The following FBXO42 variants were observed in gnomAD, a reference collection of about 807,000 sequenced individuals.
FBXO42 encodes the protein F-box only protein 42.
A neutral mutation model predicts 71.7 loss-of-function variants in FBXO42; 12 were observed. That is an observed-to-expected ratio of 0.17 (90% CI 0.11 to 0.27). The LOEUF is 0.27. FBXO42 is among the 10% of genes least tolerant of loss of function. FBXO42 has a pLI of 1.00. For synonymous variants in FBXO42, 325 were observed against 327.5 expected (o/e 0.99, Z 0.08); for missense variants, 707 against 911.9 (o/e 0.78, Z 2.89).
intron 1 of FBXO42, among the ~76,000 whole-genome samples, chr1:16,328,589 A>C (rs2082470258): frequency 6.6e-6 from 1 of 152,198 alleles, no homozygotes; most frequent in East Asian, 1.9e-4. Context: ...AGATGGTTAC[A>C]TATAAATATT....
Position 16,259,388 on chromosome 1 carries a change from T to C in FBXO42, c.503-2629A>G, listed in dbSNP as rs187095937. ...AAACACATCACAGACTTCAGCAAAA[T>C]AGTAATGTAAACTCTCTAGACTAGA... On this transcript the variant is annotated intron_variant, in intron 4 of 9. Transcript: ENST00000375592. Among the ~76,000 whole-genome samples, 46 of 152,194 alleles carry C rather than the reference T, an allele frequency of 3.0e-4. 2 individuals carry two copies. The South Asian group carries it at 7.7e-3, about 25-fold the overall frequency.
intron 1 of FBXO42, among the ~76,000 whole-genome samples, chr1:16,331,141 T>C (rs34753342): frequency 0.68 from 103,312 of 151,416 alleles, 36,274 homozygotes; most frequent in East Asian, 0.86. Context: ...AGGCTGGGCA[T>C]GGTGGCTCAC....
intron 1 of FBXO42, among the ~76,000 whole-genome samples, chr1:16,351,774 GC>G (rs1475177356): frequency 1.3e-5 from 2 of 152,176 alleles, no homozygotes; most frequent in Non-Finnish European, 2.9e-5. Flanking sequence ...GATAGGAAAG[GC>G]CTTTTGTGTT....
At position 16,270,674 on chromosome 1, in the gene FBXO42, CAAA is replaced by C. The variant is rs34861558; in HGVS notation, c.503-13918_503-13916del. Among the ~76,000 whole-genome samples the C allele has an allele frequency of 2.1e-3, 32 of 14,900 alleles. 1 individual carries two copies. The highest frequency in any genetic ancestry group is 5.2e-3 in the African/African-American group (24 of 4,618). The allele number at this position is 14,900 out of a possible 152,430, so 9.8% of individuals were successfully genotyped here. On this transcript the variant is annotated intron_variant, in intron 4 of 9. Coordinates refer to ENST00000375592, the MANE Select transcript of FBXO42 (RefSeq NM_018994.3). ...AGCAATACAGAGAGACTCTGTCTCT[CAAA>C]AAAAAAAAAAAAAAAAAAAGAAAAG... is the stretch of plus-strand genomic sequence containing the variant.
chr1:16,335,750 C>T (rs1216818217), intron 1 of FBXO42, among the ~76,000 whole-genome samples: 1 of 151,274 alleles, frequency 6.6e-6, no homozygotes, highest in Non-Finnish European at 1.5e-5. Context: ...ACCTGTAATC[C>T]CAGCTACTAA....
chr1:16,313,324 CAA>C (rs1218170929), intron 2 of FBXO42, among the ~76,000 whole-genome samples: 1 of 137,714 alleles, frequency 7.3e-6, no homozygotes, highest in South Asian at 2.5e-4. Context: ...GAAAAGAAAA[CAA>C]AGAAAGAAAG....
chr1:16,275,988 A>C (rs2081898104), intron 4 of FBXO42, among the ~76,000 whole-genome samples: 1 of 152,076 alleles, frequency 6.6e-6, no homozygotes, highest in African/African-American at 2.4e-5. Flanking sequence ...AAAAGGGCAA[A>C]GGAGCCTCCT....
chr1:16,339,324 GTTT>G (rs1391057213), intron 1 of FBXO42, among the ~76,000 whole-genome samples: 1 of 151,238 alleles, frequency 6.6e-6, no homozygotes, highest in Non-Finnish European at 1.5e-5. Flanking sequence ...TTTTGTTTTT[GTTT>G]TTTTGAGATG....
At chr1:16,300,593 A>G (rs1435484491) in intron 3 of FBXO42, among the ~76,000 whole-genome samples, 1 of 152,206 alleles carries the variant, frequency 6.6e-6, no homozygotes, top group Non-Finnish European at 1.5e-5. Context: ...TAAAGAGACT[A>G]TGCTGTCATG....
intron 4 of FBXO42, among the ~76,000 whole-genome samples, chr1:16,257,096 T>C: frequency 6.6e-6 from 1 of 152,170 alleles, no homozygotes; most frequent in African/African-American, 2.4e-5. Flanking sequence ...CCTAACATAA[T>C]GCCTGGCACA....
At chr1:16,307,004 G>A (rs2100558934) in intron 2 of FBXO42, among the ~76,000 whole-genome samples, 1 of 152,192 alleles carries the variant, frequency 6.6e-6, no homozygotes, top group Non-Finnish European at 1.5e-5. Context: ...TGATTCTCCT[G>A]CCTCAGCCTC....
Position 16,250,682 on chromosome 1 carries a change from T to C in FBXO42, c.2142A>G (p.Arg714=). The C allele has an allele frequency of 6.2e-7, 1 of 1,613,074 alleles. No individual in the cohort carries two copies. The highest frequency in any genetic ancestry group is 2.2e-5 in the East Asian group (1 of 44,872). The stretch of plus-strand genomic sequence containing the variant: ...GGTTTAGAACACATTATCTCTTTGC[T>C]CGTACAAAGTACAAGGCGTTTGTTT... ...YPKTNALYFV[R]AKR The change falls in exon 10 of 10, where the codon CGA becomes CGG. Residue 714 remains arginine (R), a synonymous_variant. Transcript: ENST00000375592. The surrounding 1 kb of genome is among the most constrained non-coding windows in gnomAD (Gnocchi z 4.7).
At chr1:16,303,422 G>C (rs2082217116) in intron 3 of FBXO42, among the ~76,000 whole-genome samples, 3 of 152,194 alleles carry the variant, frequency 2.0e-5, no homozygotes, top group Admixed American at 2.0e-4. Context: ...CTGCTTTTCA[G>C]TGATGACAGT....
Position 16,315,428 on chromosome 1 carries a change from C to G in FBXO42, c.-10G>C, listed in dbSNP as rs1037989354. ...CCGAGGAGCTGGCCATGACATTCCA[C>G]TCAACAGCTGTAATAGGTAAAACAT... On this transcript the variant is annotated 5_prime_UTR_variant, in exon 2 of 10. Transcript: ENST00000375592. 6.2e-7 allele frequency: 1 copy of G among 1,613,332 alleles called. No individual in the cohort carries two copies. The highest frequency in any genetic ancestry group is 1.7e-5 in the Admixed American group (1 of 59,866).
intron 6 of FBXO42, among the ~76,000 whole-genome samples, chr1:16,254,966 T>C (rs1171672031): frequency 6.6e-6 from 1 of 152,222 alleles, no homozygotes; most frequent in Non-Finnish European, 1.5e-5. Context: ...TCATGCCCTT[T>C]ACATGTGGCT....
chr1:16,294,883 A>T lies in FBXO42; in HGVS notation c.402T>A (p.Tyr134Ter), dbSNP rs2082112880. The T allele has an allele frequency of 6.2e-7, 1 of 1,613,604 alleles. No homozygotes were observed. Among genetic ancestry groups the T allele is most frequent in the African/African-American group, 1.3e-5 (1 of 74,930 alleles). ...TGCTCTGGGTACAGCCTCCAAACACATACATAGACTGATTAGCATCATAAT... is the reference window on the plus strand; with the variant it reads ...TGCTCTGGGTACAGCCTCCAAACACTTACATAGACTGATTAGCATCATAAT... ...ACYYDANQSM[Y>*]VFGGCTQSSC... Residue 134 changes from tyrosine to a stop codon, truncating the protein, a stop_gained, in exon 4 of 10, where the codon TAT (tyrosine) becomes TAA (stop). Coordinates refer to ENST00000375592, the MANE Select transcript of FBXO42 (RefSeq NM_018994.3). LOFTEE classifies it high-confidence loss of function.
At chr1:16,288,385 G>A (rs756358594) in intron 4 of FBXO42, among the ~76,000 whole-genome samples, 2 of 149,626 alleles carry the variant, frequency 1.3e-5, no homozygotes, top group Non-Finnish European at 3.0e-5. Flanking sequence ...AGCCCAGATC[G>A]CACCACTGCA....
chr1:16,272,488 A>C (rs913042116), intron 4 of FBXO42, among the ~76,000 whole-genome samples: 1 of 151,896 alleles, frequency 6.6e-6, no homozygotes, highest in Admixed American at 6.6e-5. Flanking sequence ...CGAACTCCTG[A>C]CCTCAAGTGA....
At chr1:16,318,160 T>C (rs1472793870) in intron 1 of FBXO42, among the ~76,000 whole-genome samples, 3 of 152,182 alleles carry the variant, frequency 2.0e-5, no homozygotes, top group African/African-American at 7.2e-5. Context: ...TGGCTCATGC[T>C]GTAATCCCAG....
Sources: allele counts gnomAD v4.1 joint callset (sites outside exome capture counted in the v4.1 genomes callset), GRCh38; gene constraint gnomAD v4.1.1; non-coding constraint Gnocchi (gnomAD v3.1); transcripts MANE v1.5; gene names NCBI Gene and HGNC (gene_info 2026-07-23, HGNC 2026-07-21).